The following DNM3 variants were observed in gnomAD, a reference collection of about 807,000 sequenced individuals.
DNM3 encodes dynamin-3.
In DNM3, 47 loss-of-function variants were observed where a neutral mutation model predicts 101.6. That is an observed-to-expected ratio of 0.46 (90% confidence interval 0.37 to 0.59). The LOEUF (loss-of-function observed/expected upper bound fraction) is 0.59. DNM3 is among the 20% of genes least tolerant of loss of function. The probability of loss-of-function intolerance (pLI) is 0.00; values close to 1 mark genes in which losing one functional copy is unlikely to be tolerated. For missense variants in DNM3, 849 were observed against 1,085.7 expected (o/e 0.78, Z 3.06); for synonymous variants, 385 against 387.9 (o/e 0.99, Z 0.09).
chr1:172,371,475 C>T (rs758700607), intron 17 of DNM3, among the ~76,000 whole-genome samples: 1 of 151,978 alleles, frequency 6.6e-6, no homozygotes, highest in Non-Finnish European at 1.5e-5. Context: ...TCATTTACAT[C>T]ATTTATCTCA....
intron 17 of DNM3, among the ~76,000 whole-genome samples, chr1:172,344,203 C>T (rs1411414957): frequency 6.6e-6 from 1 of 152,026 alleles, no homozygotes; most frequent in Non-Finnish European, 1.5e-5. Flanking sequence ...ATTTTCATTG[C>T]GTTGGCAAAA....
At chr1:172,281,950 A>G (rs937834360) in intron 15 of DNM3, among the ~76,000 whole-genome samples, 4 of 152,238 alleles carry the variant, frequency 2.6e-5, no homozygotes, top group East Asian at 3.8e-4. Context: ...AAAATCTAAC[A>G]TATAATTTTT....
At chr1:171,927,152 A>C (rs142243838) in intron 2 of DNM3, among the ~76,000 whole-genome samples, 7 of 152,374 alleles carry the variant, frequency 4.6e-5, no homozygotes, top group Admixed American at 2.6e-4. Flanking sequence ...AAAAACTTAA[A>C]GAGTCCACTA....
At chr1:171,862,640 C>T (rs1399784627) in intron 1 of DNM3, among the ~76,000 whole-genome samples, 1 of 151,994 alleles carries the variant, frequency 6.6e-6, no homozygotes. Flanking sequence ...TAAAAATATT[C>T]TGGAATTAAA....
At chr1:172,125,037 G>A (rs2056545257) in intron 13 of DNM3, among the ~76,000 whole-genome samples, 1 of 152,146 alleles carries the variant, frequency 6.6e-6, no homozygotes, top group Non-Finnish European at 1.5e-5. Flanking sequence ...ACTGTCCATT[G>A]CCTTCGAGGA....
chr1:172,008,950 A>T (rs1281215065), intron 4 of DNM3, among the ~76,000 whole-genome samples: 1 of 138,246 alleles, frequency 7.2e-6, no homozygotes, highest in Non-Finnish European at 1.5e-5. Flanking sequence ...TAAATATATT[A>T]TATTAATATA....
intron 17 of DNM3, among the ~76,000 whole-genome samples, chr1:172,372,724 C>T (rs932670780): frequency 7.0e-6 from 1 of 141,916 alleles, no homozygotes; most frequent in Non-Finnish European, 1.5e-5. Context: ...TGCTTTGTCA[C>T]CCAGGCTGAA....
At chr1:171,870,484 A>G (rs2035169517) in intron 1 of DNM3, among the ~76,000 whole-genome samples, 1 of 151,986 alleles carries the variant, frequency 6.6e-6, no homozygotes, top group Non-Finnish European at 1.5e-5. Flanking sequence ...ACAAAAACAA[A>G]CAAACAAACA....
chr1:172,332,623 T>C (rs1300732876), intron 17 of DNM3, among the ~76,000 whole-genome samples: 1 of 152,210 alleles, frequency 6.6e-6, no homozygotes, highest in African/African-American at 2.4e-5. Context: ...GGGGCTTTTC[T>C]CTTTGTTATT....
chr1:172,208,322 G>A (rs1208946380), intron 14 of DNM3, among the ~76,000 whole-genome samples: 17 of 152,074 alleles, frequency 1.1e-4, no homozygotes. Flanking sequence ...TTAATTTTAT[G>A]CATCAACTTG....
intron 14 of DNM3, chr1:172,132,808 A>G (rs957044999): frequency 4.3e-6 from 3 of 705,272 alleles, no homozygotes; most frequent in African/African-American, 1.8e-5. Context: ...TACTATCCCT[A>G]TTGTTGATGA....
At chr1:172,075,666 G>T (rs1294486657) in intron 11 of DNM3, among the ~76,000 whole-genome samples, 1 of 152,046 alleles carries the variant, frequency 6.6e-6, no homozygotes, top group South Asian at 2.1e-4. Flanking sequence ...CTATTCCATT[G>T]GTCTGTATAT....
intron 17 of DNM3, among the ~76,000 whole-genome samples, chr1:172,360,355 C>T (rs1573599854): frequency 2.0e-5 from 3 of 152,136 alleles, no homozygotes; most frequent in Admixed American, 2.0e-4. Flanking sequence ...GCTAAATCAT[C>T]ATCTGATGCA....
intron 10 of DNM3, among the ~76,000 whole-genome samples, chr1:172,054,342 C>T (rs952057422): frequency 6.6e-5 from 10 of 152,194 alleles, no homozygotes; most frequent in Non-Finnish European, 1.3e-4. Context: ...AAGACAGGAA[C>T]ATTAGAGCTT....
chr1:172,274,763 A>G (rs779853796), intron 15 of DNM3, among the ~76,000 whole-genome samples: 16 of 150,782 alleles, frequency 1.1e-4, no homozygotes, highest in African/African-American at 3.2e-4. Context: ...TTGCAGATCA[A>G]TGCAAGGTCC....
At chr1:171,899,315 G>A (rs2125219671) in intron 1 of DNM3, among the ~76,000 whole-genome samples, 1 of 152,294 alleles carries the variant, frequency 6.6e-6, no homozygotes, top group African/African-American at 2.4e-5. Context: ...TTGCTAGTGT[G>A]CCACTTTTGG....
intron 10 of DNM3, among the ~76,000 whole-genome samples, chr1:172,053,983 G>A (rs952025016): frequency 6.6e-6 from 1 of 152,158 alleles, no homozygotes; most frequent in African/African-American, 2.4e-5. Flanking sequence ...GAGACTTAAA[G>A]GGAGTGCTAT....
chr1:171,987,216 T>A (rs918371680), intron 2 of DNM3: 3 of 717,352 alleles, frequency 4.2e-6, no homozygotes, highest in Non-Finnish European at 5.1e-6. Flanking sequence ...TCCCTTAACT[T>A]ATTTTGCCTT....
intron 1 of DNM3, among the ~76,000 whole-genome samples, chr1:171,865,651 T>C (rs1179058381): frequency 6.6e-6 from 1 of 151,998 alleles, no homozygotes; most frequent in Non-Finnish European, 1.5e-5. Flanking sequence ...TAAACACATG[T>C]AAACACCCCA....
Sources: gnomAD v4.1 joint callset for allele counts (sites outside exome capture counted in the v4.1 genomes callset) on GRCh38, gnomAD v4.1.1 for gene constraint, MANE v1.5 for transcripts, NCBI Gene and HGNC (gene_info 2026-07-23, HGNC 2026-07-21) for gene names.